Variants in LONP2 observed in about 807,000 individuals in gnomAD.
LONP2 encodes lon protease homolog 2, peroxisomal.
In LONP2, 60 loss-of-function variants were observed where a neutral mutation model predicts 85.6. That is an observed-to-expected ratio of 0.70 (90% CI 0.57 to 0.87). The LOEUF is 0.87. Ranked by LOEUF, LONP2 falls within the 40% of genes least tolerant of loss-of-function variation. LONP2 has a pLI of 0.00. For missense variants in LONP2, 860 were observed against 1,063.5 expected, an observed-to-expected ratio of 0.81 and a Z score of 2.66; for synonymous variants, 395 against 389.7, an observed-to-expected ratio of 1.01 and a Z score of -0.16.
intron 11 of LONP2, among the ~76,000 whole-genome samples, chr16:48,323,025 C>T (rs945711831): frequency 2.0e-5 from 3 of 152,078 alleles, no homozygotes; most frequent in African/African-American, 4.8e-5. Context: ...TTATGCAGTG[C>T]GTGACTATAC....
In LONP2 at chr16:48,343,427, A is replaced by T. The variant is rs145254757; in HGVS notation, c.1939-4080A>T. Among the ~76,000 whole-genome samples, 54 of 152,338 alleles carry T rather than the reference A, an allele frequency of 3.5e-4. No individual in the cohort carries two copies. The East Asian group carries it at 0.01, about 28-fold the overall frequency. Reference sequence around the variant, plus strand: ...ATTAAGAATGCAATCAGCCGGGCACAGCAGCTCACACCTGTAATCCCAGCA... The same window carrying T: ...ATTAAGAATGCAATCAGCCGGGCACTGCAGCTCACACCTGTAATCCCAGCA... On this transcript the variant is annotated intron_variant, in intron 12 of 14. Transcript: ENST00000285737.
At chr16:48,294,707 C>G (rs1430614411) in intron 8 of LONP2, among the ~76,000 whole-genome samples, 4 of 152,118 alleles carry the variant, frequency 2.6e-5, no homozygotes, top group African/African-American at 7.2e-5. Context: ...GCACCTCAAC[C>G]TTGGTGACAA....
intron 7 of LONP2, among the ~76,000 whole-genome samples, chr16:48,277,106 G>T (rs1195476908): frequency 6.6e-6 from 1 of 152,234 alleles, no homozygotes; most frequent in African/African-American, 2.4e-5. Flanking sequence ...ATGTGATACA[G>T]TTCTTCCAAT....
chr16:48,288,985 T>G (rs777519548), intron 8 of LONP2, among the ~76,000 whole-genome samples: 14 of 152,238 alleles, frequency 9.2e-5, no homozygotes, highest in Non-Finnish European at 1.6e-4. Context: ...CACTGTGTTC[T>G]AATTAGATAA....
intron 11 of LONP2, among the ~76,000 whole-genome samples, chr16:48,324,234 A>G (rs939942931): frequency 2.0e-5 from 3 of 152,232 alleles, no homozygotes; most frequent in Admixed American, 6.5e-5. Context: ...TCAGCATTTC[A>G]TGTCACTTTT....
intron 10 of LONP2, among the ~76,000 whole-genome samples, chr16:48,300,380 C>A (rs778144935): frequency 7.9e-5 from 12 of 152,198 alleles, no homozygotes; most frequent in Non-Finnish European, 1.6e-4. Flanking sequence ...TGTAAATTAT[C>A]TGAATAGAGT....
rs998488306 is a variant in LONP2, at chr16:48,352,621, G to A, written c.*819G>A. The A allele has an allele frequency of 9.2e-5, 14 of 152,144 alleles. No individual in the cohort carries two copies. The highest frequency in any genetic ancestry group is 5.9e-4 in the Admixed American group (9 of 15,270). 9.4% of individuals were successfully genotyped at this position (152,144 alleles called of 1,614,324 possible). On this transcript the variant is annotated 3_prime_UTR_variant, in exon 15 of 15. Coordinates refer to ENST00000285737, the MANE Select transcript of LONP2 (RefSeq NM_031490.5). ...TGCACTCCAGCCTGGCTGACAGAGC[G>A]AGACTGTCTCTAAAAAAAAAAGACT... is the stretch of plus-strand genomic sequence containing the variant.
rs1261547428 is a variant in LONP2, at chr16:48,353,682, T to C, written c.*1880T>C. Reference sequence around the variant, plus strand: ...TTGACTATCTTAACTACTGTAATTTTATCATTTCCAACGTCATCTAACTGG... The same window carrying C: ...TTGACTATCTTAACTACTGTAATTTCATCATTTCCAACGTCATCTAACTGG... On this transcript the variant is annotated 3_prime_UTR_variant, in exon 15 of 15. Transcript: ENST00000285737. 2 of 152,116 alleles carry C rather than the reference T, an allele frequency of 1.3e-5. No individual in the cohort carries two copies. Among genetic ancestry groups the C allele is most frequent in the Non-Finnish European group, 2.9e-5 (2 of 68,028 alleles). 9.4% of individuals were successfully genotyped at this position (152,116 alleles called of 1,614,324 possible).
At chr16:48,348,764 G>T (rs191631646) in intron 14 of LONP2, among the ~76,000 whole-genome samples, 1 of 152,192 alleles carries the variant, frequency 6.6e-6, no homozygotes, top group East Asian at 1.9e-4. Context: ...AAAGTGCTGG[G>T]ATTACAGGCG....
chr16:48,329,003 C>T (rs1959350641), intron 11 of LONP2, among the ~76,000 whole-genome samples: 1 of 152,070 alleles, frequency 6.6e-6, no homozygotes, highest in African/African-American at 2.4e-5. Context: ...GGTAAAGTCA[C>T]CTTGTTCTAG....
chr16:48,260,500 G>C (rs920522232), intron 4 of LONP2, among the ~76,000 whole-genome samples: 3 of 152,226 alleles, frequency 2.0e-5, no homozygotes, highest in African/African-American at 7.2e-5. Context: ...TTAGGAAGCT[G>C]AGGTGGAAGG....
At chr16:48,334,609 G>T in intron 12 of LONP2, 1 of 645,524 alleles carries the variant, frequency 1.5e-6, no homozygotes, top group East Asian at 2.9e-5. Context: ...CAAGGTGGCA[G>T]AGGGAAGGCT....
chr16:48,252,066 C>G, intron 1 of LONP2, 65 bp from the exon 2 acceptor site: 1 of 1,227,478 alleles, frequency 8.1e-7, no homozygotes, highest in Non-Finnish European at 1.1e-6. Context: ...CCAACACTTT[C>G]TGAAGTGAGT....
At chr16:48,334,166 C>G in intron 11 of LONP2, 50 bp from the exon 12 acceptor site, 1 of 1,570,288 alleles carries the variant, frequency 6.4e-7, no homozygotes, top group Non-Finnish European at 8.7e-7. Context: ...AGTGAATTTT[C>G]CAGCCTGCAA....
intron 11 of LONP2, among the ~76,000 whole-genome samples, chr16:48,311,924 C>T (rs1973039399): frequency 1.3e-5 from 2 of 151,300 alleles, no homozygotes; most frequent in African/African-American, 4.9e-5. Context: ...TCACTGTGCC[C>T]TGCCCCTGAC....
rs1960372103 is a variant in LONP2 at position 48,356,641 on chromosome 16, C to G, written c.*4839C>G. On this transcript the variant is annotated 3_prime_UTR_variant, in exon 15 of 15. Transcript: ENST00000285737. ...GGTGGATACCACAATGAAAACTGCA[C>G]TTAAAAAACAAAAATGCTGAAAGAG... 5.7e-6 allele frequency: 2 copies of G among 350,504 alleles called. No individual in the cohort carries two copies. Among genetic ancestry groups the G allele is most frequent in the African/African-American group, 2.2e-5 (1 of 46,402 alleles). The allele number at this position is 350,504 out of a possible 1,614,324, so 21.7% of individuals were successfully genotyped here. A position where few individuals can be genotyped will look rare whatever the true frequency, so the allele number is the denominator to read the frequency against.
intron 11 of LONP2, among the ~76,000 whole-genome samples, chr16:48,313,222 T>C (rs191337853): frequency 8.5e-4 from 130 of 152,334 alleles, no homozygotes; most frequent in Middle Eastern, 3.4e-3. Flanking sequence ...ATGATTCCGT[T>C]GAATCTGTAA....
downstream of LONP2, among the ~76,000 whole-genome samples, chr16:48,358,365 G>A (rs1960452753): frequency 6.6e-6 from 1 of 152,100 alleles, no homozygotes; most frequent in South Asian, 2.1e-4. Flanking sequence ...TATGTTCATG[G>A]TTTACTTATA....
chr16:48,276,535 C>CT (rs1489934307), intron 7 of LONP2, among the ~76,000 whole-genome samples: 1 of 152,050 alleles, frequency 6.6e-6, no homozygotes, highest in Admixed American at 6.6e-5. Flanking sequence ...AAAAAGACAC[C>CT]TTTTTTGGTT....
Sources: gnomAD v4.1 joint callset for allele counts (sites outside exome capture counted in the v4.1 genomes callset) on GRCh38, gnomAD v4.1.1 for gene constraint, MANE v1.5 for transcripts, NCBI Gene and HGNC (gene_info 2026-07-23, HGNC 2026-07-21) for gene names.